MYBPC1: variants seen among roughly 807,000 people sequenced by gnomAD.
MYBPC1 encodes the protein myosin binding protein C1.
Under a neutral mutation model 147.1 loss-of-function variants are expected in MYBPC1, and 52 were observed. The observed-to-expected ratio is 0.35, with a 90% CI of 0.28 to 0.45. The LOEUF is 0.45. Ranked by LOEUF, MYBPC1 falls within the 20% of genes least tolerant of loss-of-function variation. The pLI, the probability that MYBPC1 is intolerant of heterozygous loss-of-function variation, is 1.00. For missense variants in MYBPC1, 1,228 were observed against 1,440.3 expected, an observed-to-expected ratio of 0.85 and a Z score of 2.39; for synonymous variants, 477 against 475.9, an observed-to-expected ratio of 1.00 and a Z score of -0.03.
intron 3 of MYBPC1, among the ~76,000 whole-genome samples, chr12:101,625,655 T>C (rs1593746989): frequency 6.6e-6 from 1 of 152,222 alleles, no homozygotes; most frequent in African/African-American, 2.4e-5. Flanking sequence ...CTTTTTCTTA[T>C]AGCATTTGTA....
intron 24 of MYBPC1, 32 bp from the exon 25 acceptor site, chr12:101,673,395 A>G: frequency 6.3e-7 from 1 of 1,599,050 alleles, no homozygotes. Flanking sequence ...AATATGATTT[A>G]CCCTCTCTAC....
downstream of MYBPC1, among the ~76,000 whole-genome samples, chr12:101,689,997 A>C (rs1321547379): frequency 6.6e-6 from 1 of 152,200 alleles, no homozygotes; most frequent in Non-Finnish European, 1.5e-5. Flanking sequence ...CAACATGGCG[A>C]AAACCCGTCT....
chr12:101,672,295 G>A (rs1046035849), intron 24 of MYBPC1, among the ~76,000 whole-genome samples: 4 of 152,124 alleles, frequency 2.6e-5, no homozygotes, highest in East Asian at 3.9e-4. Context: ...ACCTAGCCAT[G>A]TTCAGAGCCC....
In MYBPC1 at chr12:101,612,086, GA is replaced by G. The variant is rs199722902; in HGVS notation, c.26-2398del. 1.1e-3 allele frequency among the ~76,000 whole-genome samples: 151 copies of G among 138,314 alleles called. No individual in the cohort carries two copies. The South Asian group carries it at 0.017, about 15-fold the overall frequency. 90.7% of individuals were successfully genotyped at this position (138,314 alleles called of 152,430 possible). The stretch of plus-strand genomic sequence containing the variant: ...GCGAGACTCCATCTCAAAAAAAAAA[GA>G]AAAAAAAAAAAGAATAATCAGCTCT... On this transcript the variant is annotated intron_variant, in intron 1 of 31. Transcript: ENST00000361466.
chr12:101,612,869 T>C (rs1275849746), intron 1 of MYBPC1, among the ~76,000 whole-genome samples: 1 of 152,252 alleles, frequency 6.6e-6, no homozygotes, highest in Non-Finnish European at 1.5e-5. Context: ...GTTTCATGTT[T>C]TGGTTGACGA....
Position 101,669,985 on chromosome 12 carries a change from G to GC in MYBPC1, c.2525-333dup, listed in dbSNP as rs764282253. 20 of 415,684 alleles carry GC rather than the reference G, an allele frequency of 4.8e-5. No homozygotes were observed. In the East Asian group the frequency reaches 1.2e-3, roughly 25 times the overall value. 25.7% of individuals were successfully genotyped at this position (415,684 alleles called of 1,614,324 possible). A position where few individuals can be genotyped will look rare whatever the true frequency, so the allele number is the denominator to read the frequency against. Reference sequence around the variant, plus strand: ...GAAAAGTATGCATAGTATGTATAAGGCCCTAAGAGAAAATGTATTTTTCTA... The same window carrying GC: ...GAAAAGTATGCATAGTATGTATAAGGCCCCTAAGAGAAAATGTATTTTTCTA... On this transcript the variant is annotated intron_variant, in intron 23 of 31. Transcript: ENST00000361466.
intron 2 of MYBPC1, chr12:101,614,929 A>G (rs1885486198): frequency 3.4e-6 from 1 of 290,676 alleles, no homozygotes; most frequent in South Asian, 3.6e-5. Flanking sequence ...GAGTGGATCC[A>G]TCTCTACCCT....
chr12:101,670,891 T>G (rs1333208962), intron 24 of MYBPC1, among the ~76,000 whole-genome samples: 2 of 152,180 alleles, frequency 1.3e-5, no homozygotes, highest in African/African-American at 4.8e-5. Flanking sequence ...CTGAAATATA[T>G]GAACAATATT....
chr12:101,612,765 C>T (rs752942240), intron 1 of MYBPC1, among the ~76,000 whole-genome samples: 2 of 152,208 alleles, frequency 1.3e-5, no homozygotes, highest in East Asian at 1.9e-4. Flanking sequence ...TTCTGATATC[C>T]GTGTGCTGCA....
At chr12:101,693,250 T>A in the MYBPC1 span, among the ~76,000 whole-genome samples, 1 of 152,188 alleles carries the variant, frequency 6.6e-6, no homozygotes, top group Non-Finnish European at 1.5e-5. Context: ...CCAGCCTACT[T>A]TCACTATTTT....
intron 18 of MYBPC1, among the ~76,000 whole-genome samples, chr12:101,657,905 T>G (rs1359362798): frequency 2.0e-5 from 3 of 152,020 alleles, no homozygotes; most frequent in African/African-American, 7.2e-5. Context: ...TAATGAAACA[T>G]TAGCCACGAG....
At chr12:101,672,251 G>A (rs908234695) in intron 24 of MYBPC1, among the ~76,000 whole-genome samples, 2 of 152,156 alleles carry the variant, frequency 1.3e-5, no homozygotes, top group Non-Finnish European at 2.9e-5. Flanking sequence ...TCTGAAGCAG[G>A]GGTTTGGTGT....
the MYBPC1 span, among the ~76,000 whole-genome samples, chr12:101,691,805 T>C: frequency 6.6e-6 from 1 of 152,238 alleles, no homozygotes; most frequent in Non-Finnish European, 1.5e-5. Context: ...ATGATGGATG[T>C]CTACTGGATG....
chr12:101,661,153 C>T lies in MYBPC1; in HGVS notation c.1928-5C>T. ...TTACTTTATCCTATTTTTTGTCTGCCACAGACTTCCCTGATCCTCCAGTGG... is the reference window on the plus strand; with the variant it reads ...TTACTTTATCCTATTTTTTGTCTGCTACAGACTTCCCTGATCCTCCAGTGG... On this transcript the variant is annotated splice_polypyrimidine_tract_variant and splice_region_variant and intron_variant, in intron 19 of 31. Coordinates refer to ENST00000361466, the MANE Select transcript of MYBPC1 (RefSeq NM_002465.4). 2.5e-6 allele frequency: 4 copies of T among 1,610,054 alleles called. No homozygotes were observed. Among genetic ancestry groups the T allele is most frequent in the Admixed American group, 1.7e-5 (1 of 59,962 alleles).
At chr12:101,604,452 TA>T in intron 1 of MYBPC1, among the ~76,000 whole-genome samples, 1 of 152,226 alleles carries the variant, frequency 6.6e-6, no homozygotes. Flanking sequence ...AGTAAATAAA[TA>T]TGGATTAAAT....
rs768199021 is a variant in MYBPC1, at chr12:101,670,335, C to T, written c.2539C>T (p.Arg847Cys). ...VKEIIEPPKI[R>C]IPRHLKQTYI... ...CCCTCTCTCAGAACCTCCAAAGATTCGCATTCCAAGACACCTGAAGCAAAC... is the reference window on the plus strand; with the variant it reads ...CCCTCTCTCAGAACCTCCAAAGATTTGCATTCCAAGACACCTGAAGCAAAC... Residue 847 changes from arginine (R) to cysteine (C), a missense_variant, in exon 24 of 32, where the codon CGC becomes TGC. Arg to Cys is a radical substitution (Grantham distance 180). This residue lies in a region of MYBPC1 where 1,077 missense variants were observed against 1,314.2 expected (regional missense o/e 0.82). Coordinates refer to ENST00000361466, the MANE Select transcript of MYBPC1 (RefSeq NM_002465.4). 5.0e-5 allele frequency: 80 copies of T among 1,613,700 alleles called. No individual in the cohort carries two copies. The highest frequency in any genetic ancestry group is 2.4e-4 in the South Asian group (22 of 91,078).
intron 1 of MYBPC1, among the ~76,000 whole-genome samples, chr12:101,605,663 C>T (rs992830394): frequency 1.3e-5 from 2 of 152,068 alleles, no homozygotes; most frequent in Non-Finnish European, 2.9e-5. Flanking sequence ...GAGTTTGAGA[C>T]CAGCCTGGCC....
intron 22 of MYBPC1, chr12:101,666,101 C>T (rs1827842003): frequency 1.9e-5 from 3 of 157,180 alleles, no homozygotes; most frequent in Admixed American, 1.8e-4. Flanking sequence ...TGTGAGCCAC[C>T]CATGCGGAAC....
At chr12:101,631,839 C>T in intron 7 of MYBPC1, 120 bp downstream of exon 7, 1 of 1,459,076 alleles carries the variant, frequency 6.9e-7, no homozygotes, top group Non-Finnish European at 9.5e-7. Context: ...CTGAAGTTAC[C>T]ATTGCAGTGT....
Sources: gnomAD v4.1 joint callset for allele counts (sites outside exome capture counted in the v4.1 genomes callset) on GRCh38, gnomAD v4.1.1 for gene constraint, gnomAD v4.1.1 regional missense constraint, MANE v1.5 for transcripts, NCBI Gene and HGNC (gene_info 2026-07-23, HGNC 2026-07-21) for gene names.